ATP6V1C1: variants seen among roughly 807,000 people sequenced by gnomAD.
The protein encoded by ATP6V1C1 is V-type proton ATPase subunit C 1.
Under a neutral mutation model 53.9 loss-of-function variants are expected in ATP6V1C1, and 45 were observed. The ratio of observed to expected loss-of-function variants is 0.83; its 90% CI spans 0.66 to 1.07. The LOEUF (loss-of-function observed/expected upper bound fraction) is 1.07, where lower values mean the gene tolerates loss of function less well. Ranked by LOEUF, ATP6V1C1 falls within the 50% of genes least tolerant of loss-of-function variation. The pLI is 0.00. For synonymous variants in ATP6V1C1, 153 were observed against 155.2 expected, an observed-to-expected ratio of 0.99 and a Z score of 0.11; for missense variants, 315 against 440.3, an observed-to-expected ratio of 0.72 and a Z score of 2.55.
rs1178783385 is a variant in ATP6V1C1 at position 103,053,879 on chromosome 8, C to A, written c.474-5C>A. ...TCAGCCTAATGATTTGTTTTAATTC[C>A]TCAGAGGAAGTTTGCTAACTAGAAG... On this transcript the variant is annotated splice_polypyrimidine_tract_variant and splice_region_variant and intron_variant, in intron 6 of 12. Coordinates refer to ENST00000518738, the MANE Select transcript of ATP6V1C1 (RefSeq NM_001695.5). 6.2e-7 allele frequency: 1 copy of A among 1,605,266 alleles called. No homozygotes were observed. The highest frequency in any genetic ancestry group is 8.5e-7 in the Non-Finnish European group (1 of 1,174,520).
At chr8:103,033,018 C>G (rs555719868) in intron 1 of ATP6V1C1, among the ~76,000 whole-genome samples, 2 of 152,240 alleles carry the variant, frequency 1.3e-5, no homozygotes, top group East Asian at 3.9e-4. Flanking sequence ...ACAGATTGAA[C>G]TACTAATACA....
rs954102659 is a variant in ATP6V1C1, at chr8:103,072,346, C to T, written c.*3599C>T. On this transcript the variant is annotated 3_prime_UTR_variant, in exon 13 of 13. Transcript: ENST00000518738. Reference sequence around the variant, plus strand: ...GTTTTTCTCCTTCATTCTCAGCTGTCGAAGAAATCAAAGTAGCATATGCAC... The same window carrying T: ...GTTTTTCTCCTTCATTCTCAGCTGTTGAAGAAATCAAAGTAGCATATGCAC... 5 of 152,000 alleles carry T rather than the reference C, an allele frequency of 3.3e-5. No individual in the cohort carries two copies. The highest frequency in any genetic ancestry group is 2.0e-4 in the Admixed American group (3 of 15,258). The allele number at this position is 152,000 out of a possible 1,614,324, so 9.4% of individuals were successfully genotyped here. A position where few individuals can be genotyped will look rare whatever the true frequency, so the allele number is the denominator to read the frequency against.
intron 4 of ATP6V1C1, 94 bp downstream of exon 4, chr8:103,049,049 A>G (rs1304288736): frequency 4.4e-6 from 5 of 1,136,864 alleles, no homozygotes; most frequent in Admixed American, 2.2e-5. Flanking sequence ...GTCTACAGAA[A>G]AGGACACTAA....
intron 1 of ATP6V1C1, among the ~76,000 whole-genome samples, chr8:103,023,299 G>GT (rs1305318867): frequency 1.4e-5 from 2 of 141,904 alleles, no homozygotes; most frequent in Non-Finnish European, 3.1e-5. Context: ...TTTTTTTTTG[G>GT]TGGGGGGGAG....
At chr8:103,046,944 T>G (rs942715135) in intron 3 of ATP6V1C1, among the ~76,000 whole-genome samples, 2 of 152,204 alleles carry the variant, frequency 1.3e-5, no homozygotes, top group Non-Finnish European at 2.9e-5. Flanking sequence ...CAGGTGATTC[T>G]ACACTCTGAA....
intron 8 of ATP6V1C1, among the ~76,000 whole-genome samples, chr8:103,057,679 G>A (rs542534907): frequency 6.6e-6 from 1 of 152,142 alleles, no homozygotes; most frequent in East Asian, 1.9e-4. Flanking sequence ...CATTTTCTTT[G>A]TCTGTAAATG....
At chr8:103,052,676 G>C in intron 5 of ATP6V1C1, 55 bp from the exon 6 acceptor site, 1 of 1,095,526 alleles carries the variant, frequency 9.1e-7, no homozygotes. Flanking sequence ...GATAGTATTA[G>C]TAGAGGCAGA....
At chr8:103,023,337 G>A (rs1409308582) in intron 1 of ATP6V1C1, among the ~76,000 whole-genome samples, 1 of 145,306 alleles carries the variant, frequency 6.9e-6, no homozygotes, top group African/African-American at 2.5e-5. Flanking sequence ...AAAAGTGAAT[G>A]AGGGGAGACC....
chr8:103,067,662 G>A (rs1293054621), intron 12 of ATP6V1C1, among the ~76,000 whole-genome samples: 2 of 146,154 alleles, frequency 1.4e-5, no homozygotes, highest in Non-Finnish European at 3.0e-5. Context: ...GTGAAGTGGC[G>A]TGATCTTGGC....
In ATP6V1C1 at chr8:103,068,648, A is replaced by G. The variant is rs948451531; in HGVS notation, c.1054-4A>G. The stretch of plus-strand genomic sequence containing the variant: ...AATTGAATAATTGTCTGTTTTTTCC[A>G]TAGGCTCCTATGGATATTCCAGGTT... On this transcript the variant is annotated splice_region_variant and splice_polypyrimidine_tract_variant and intron_variant, in intron 12 of 12. Transcript: ENST00000518738. 17 of 1,583,962 alleles carry G rather than the reference A, an allele frequency of 1.1e-5. No individual in the cohort carries two copies. Among genetic ancestry groups the G allele is most frequent in the Non-Finnish European group, 1.4e-5 (16 of 1,165,684 alleles).
At chr8:103,028,724 C>T (rs889064898) in intron 1 of ATP6V1C1, among the ~76,000 whole-genome samples, 19 of 152,214 alleles carry the variant, frequency 1.2e-4, no homozygotes, top group African/African-American at 4.6e-4. Flanking sequence ...TCTTCATATC[C>T]TCAGCGCAGT....
chr8:103,021,633 G>C (rs1045715342), intron 1 of ATP6V1C1, among the ~76,000 whole-genome samples: 2 of 151,486 alleles, frequency 1.3e-5, no homozygotes, highest in Non-Finnish European at 2.9e-5. Flanking sequence ...GTGTTGGGGG[G>C]GGCGCGGGTG....
rs181048283 is a variant in ATP6V1C1, at chr8:103,034,075, C to T, written c.-39-6723C>T. ...GTACAACTCTAGATGCTGCAGAGGG[C>T]CCTGGGCTGGAGACATACATTTCAG... is the stretch of plus-strand genomic sequence containing the variant. On this transcript the variant is annotated intron_variant, in intron 1 of 12. Transcript: ENST00000518738. Among the ~76,000 whole-genome samples, 5 of 152,180 alleles carry T rather than the reference C, an allele frequency of 3.3e-5. No homozygotes were observed. In the East Asian group the frequency reaches 9.7e-4, roughly 29 times the overall value.
intron 5 of ATP6V1C1, among the ~76,000 whole-genome samples, chr8:103,051,875 G>A (rs898635683): frequency 2.0e-5 from 3 of 152,130 alleles, no homozygotes; most frequent in Non-Finnish European, 4.4e-5. Context: ...AAGAAGTGTA[G>A]TTTAAATTAT....
At chr8:103,032,074 C>A (rs537391206) in intron 1 of ATP6V1C1, among the ~76,000 whole-genome samples, 1 of 151,362 alleles carries the variant, frequency 6.6e-6, no homozygotes, top group African/African-American at 2.4e-5. Flanking sequence ...GAATTGCAAA[C>A]TTCTTTTCAA....
At chr8:103,029,158 G>A (rs369546179) in intron 1 of ATP6V1C1, among the ~76,000 whole-genome samples, 2 of 151,438 alleles carry the variant, frequency 1.3e-5, no homozygotes, top group South Asian at 2.1e-4. Context: ...TCTTAAGATC[G>A]GCATAGCTAG....
At chr8:103,028,384 C>T (rs1816735233) in intron 1 of ATP6V1C1, among the ~76,000 whole-genome samples, 2 of 152,050 alleles carry the variant, frequency 1.3e-5, no homozygotes, top group Non-Finnish European at 1.5e-5. Context: ...AGTTTTGTTT[C>T]CAAGAAAGAA....
chr8:103,046,520 T>A (rs111637577), intron 3 of ATP6V1C1, among the ~76,000 whole-genome samples: 1 of 152,308 alleles, frequency 6.6e-6, no homozygotes, highest in African/African-American at 2.4e-5. Flanking sequence ...CCAGCTCAGA[T>A]TTTTTAGGGA....
chr8:103,049,785 AAAAAT>A (rs1281249891), intron 4 of ATP6V1C1, among the ~76,000 whole-genome samples: 2 of 152,040 alleles, frequency 1.3e-5, no homozygotes, highest in African/African-American at 4.8e-5. Context: ...AAACCCAAAC[AAAAAT>A]AAAGAAAAAG....
Sources: allele counts gnomAD v4.1 joint callset (sites outside exome capture counted in the v4.1 genomes callset), GRCh38; gene constraint gnomAD v4.1.1; transcripts MANE v1.5; gene names NCBI Gene and HGNC (gene_info 2026-07-23, HGNC 2026-07-21).